The following FIG4 variants were observed in gnomAD, a reference collection of about 807,000 sequenced individuals.
FIG4 encodes the protein FIG4 phosphoinositide 5-phosphatase.
A neutral mutation model predicts 118.6 loss-of-function variants in FIG4; 112 were observed. That is an observed-to-expected ratio of 0.94 (90% CI 0.81 to 1.11). FIG4 has a LOEUF of 1.11. FIG4 is among the 50% of genes least tolerant of loss of function. The pLI is 0.00. For missense variants in FIG4, 969 were observed against 1,111.7 expected, an observed-to-expected ratio of 0.87 and a Z score of 1.83; for synonymous variants, 369 against 381.2, an observed-to-expected ratio of 0.97 and a Z score of 0.37.
At chr6:109,758,793 T>C (rs1777004810) in intron 10 of FIG4, among the ~76,000 whole-genome samples, 1 of 152,190 alleles carries the variant, frequency 6.6e-6, no homozygotes, top group Non-Finnish European at 1.5e-5. Flanking sequence ...AGGCGAAGGA[T>C]ATGAACAGAC....
At chr6:109,725,943 GTTGT>G (rs1775794280) in intron 3 of FIG4, among the ~76,000 whole-genome samples, 1 of 151,992 alleles carries the variant, frequency 6.6e-6, no homozygotes, top group African/African-American at 2.4e-5. Context: ...TTTTGATGGG[GTTGT>G]TTGTTTTTTT....
intron 22 of FIG4, 24 bp downstream of exon 22, chr6:109,796,875 A>C (rs1363805215): frequency 1.0e-5 from 14 of 1,361,394 alleles, no homozygotes; most frequent in African/African-American, 1.4e-5. Flanking sequence ...TAGATCTTTA[A>C]AGAAATCTTT....
chr6:109,704,388 GC>G (rs1774993630), intron 1 of FIG4, among the ~76,000 whole-genome samples: 1 of 152,138 alleles, frequency 6.6e-6, no homozygotes, highest in South Asian at 2.1e-4. Flanking sequence ...AGGCATGGTG[GC>G]TCATGCCTGT....
chr6:109,792,095 G>GCTAA (rs1373033916), intron 20 of FIG4, among the ~76,000 whole-genome samples: 1 of 152,202 alleles, frequency 6.6e-6, no homozygotes, highest in Admixed American at 6.5e-5. Flanking sequence ...TAATACAAGA[G>GCTAA]CTAAATCCAT....
chr6:109,794,699 T>C (rs954836969), intron 21 of FIG4, among the ~76,000 whole-genome samples: 3 of 152,204 alleles, frequency 2.0e-5, no homozygotes, highest in Non-Finnish European at 4.4e-5. Context: ...CCCAGGTAGT[T>C]CTGCGCTGAA....
At position 109,705,657 on chromosome 6, in the gene FIG4, A is replaced by G. The variant is rs9480993; in HGVS notation, c.67-9421A>G. Reference sequence around the variant, plus strand: ...TATGTGTTTCGAAGTCCAATAATGCATTTGCCCATGAGCATGTCAGGATTT... The same window carrying G: ...TATGTGTTTCGAAGTCCAATAATGCGTTTGCCCATGAGCATGTCAGGATTT... On this transcript the variant is annotated intron_variant, in intron 1 of 22. Transcript: ENST00000230124. Among the ~76,000 whole-genome samples the G allele has an allele frequency of 5.7e-3, 863 of 152,260 alleles. 9 individuals are homozygous for G. The highest frequency in any genetic ancestry group is 0.02 in the African/African-American group (831 of 41,544).
At chr6:109,793,908 A>T (rs1023292111) in intron 21 of FIG4, among the ~76,000 whole-genome samples, 1 of 152,220 alleles carries the variant, frequency 6.6e-6, no homozygotes, top group African/African-American at 2.4e-5. Context: ...CCTCACTCTG[A>T]CACACAAACA....
intron 14 of FIG4, 57 bp from the exon 15 acceptor site, chr6:109,766,672 G>T: frequency 6.7e-7 from 1 of 1,493,892 alleles, no homozygotes; most frequent in Non-Finnish European, 9.3e-7. Context: ...TTGGCTAAGT[G>T]AATAACTTGT....
intron 16 of FIG4, among the ~76,000 whole-genome samples, chr6:109,784,689 A>C (rs766834641): frequency 1.3e-5 from 2 of 152,190 alleles, no homozygotes; most frequent in Non-Finnish European, 2.9e-5. Context: ...AATCCTTTTT[A>C]GCTAAAAGTA....
At chr6:109,817,876 A>G (rs1265861568) in intron 22 of FIG4, among the ~76,000 whole-genome samples, 4 of 152,240 alleles carry the variant, frequency 2.6e-5, no homozygotes, top group Non-Finnish European at 5.9e-5. Context: ...GTTCAGCTGC[A>G]GAAAGCATAA....
At chr6:109,798,081 CTG>C (rs1778335527) in intron 22 of FIG4, among the ~76,000 whole-genome samples, 3 of 152,214 alleles carry the variant, frequency 2.0e-5, no homozygotes, top group Admixed American at 1.3e-4. Flanking sequence ...CCTAACTTCT[CTG>C]TGTCTCACAT....
intron 16 of FIG4, 127 bp downstream of exon 16, chr6:109,777,187 A>G (rs891580966): frequency 2.0e-5 from 17 of 862,572 alleles, no homozygotes; most frequent in Non-Finnish European, 2.8e-5. Flanking sequence ...AATTTTTAAA[A>G]TTTTTTGTGG....
At chr6:109,805,428 A>G (rs1039647857) in intron 22 of FIG4, among the ~76,000 whole-genome samples, 3 of 152,200 alleles carry the variant, frequency 2.0e-5, no homozygotes, top group Non-Finnish European at 2.9e-5. Flanking sequence ...TTAGAATCCT[A>G]TGATTTTAGA....
At chr6:109,715,242 TC>T (rs774952478) in intron 2 of FIG4, 66 bp downstream of exon 2, 88 of 786,108 alleles carry the variant, frequency 1.1e-4, no homozygotes, top group Admixed American at 3.3e-4. Flanking sequence ...ACATGAAATA[TC>T]CTTACAGTTT....
intron 22 of FIG4, among the ~76,000 whole-genome samples, chr6:109,821,683 A>T (rs1259946949): frequency 6.6e-6 from 1 of 152,194 alleles, no homozygotes; most frequent in Admixed American, 6.5e-5. Context: ...CTCCTGATGA[A>T]GCAATACACC....
chr6:109,812,539 T>A (rs79383737), intron 22 of FIG4, among the ~76,000 whole-genome samples: 1 of 151,662 alleles, frequency 6.6e-6, no homozygotes, highest in African/African-American at 2.4e-5. Flanking sequence ...TCAAGAGGAG[T>A]TGGTTTCATG....
chr6:109,753,190 C>T (rs6568604), intron 10 of FIG4, among the ~76,000 whole-genome samples: 46,330 of 151,918 alleles, frequency 0.3, 7,611 homozygotes, highest in Non-Finnish European at 0.37. Flanking sequence ...ACTAACCAGG[C>T]CCGACCCTGC....
chr6:109,806,523 C>G (rs1778569159), intron 22 of FIG4, among the ~76,000 whole-genome samples: 1 of 151,716 alleles, frequency 6.6e-6, no homozygotes, highest in African/African-American at 2.4e-5. Context: ...TGTATTAAGA[C>G]TATGAAATCT....
In FIG4 at chr6:109,735,283, A is replaced by T; in HGVS notation, c.631A>T (p.Thr211Ser). The change falls in exon 6 of 23, where the codon ACA (threonine) becomes TCA (serine). Residue 211 changes from threonine (T) to serine (S), a missense_variant. Physicochemically the swap from Thr to Ser is moderately conservative, Grantham distance 58 (BLOSUM62 1). This residue lies in a region of FIG4 where 393 missense variants were observed against 409.4 expected (regional missense o/e 0.96). Coordinates refer to ENST00000230124, the MANE Select transcript of FIG4 (RefSeq NM_014845.6). The stretch of plus-strand genomic sequence containing the variant: ...CATCTTTGAAGATGAAGGATTAATT[A>T]CACAAGGTGGAAGCGGTAGGTGGTC... ...FDIFEDEGLI[T>S]QGGSGVFGIC... is the part of the protein sequence containing the mutation. The T allele has an allele frequency of 6.2e-7, 1 of 1,613,526 alleles. No homozygotes were observed. The highest frequency in any genetic ancestry group is 8.5e-7 in the Non-Finnish European group (1 of 1,179,562).
Sources: allele counts gnomAD v4.1 joint callset (sites outside exome capture counted in the v4.1 genomes callset), GRCh38; gene constraint gnomAD v4.1.1; regional missense constraint gnomAD v4.1.1; transcripts MANE v1.5; gene names NCBI Gene and HGNC (gene_info 2026-07-23, HGNC 2026-07-21).